PITPNC1: variants seen among roughly 807,000 people sequenced by gnomAD.
The protein encoded by PITPNC1 is phosphatidylinositol transfer protein cytoplasmic 1.
In PITPNC1, 18 loss-of-function variants were observed where a neutral mutation model predicts 44.7. The ratio of observed to expected loss-of-function variants is 0.40; its 90% CI spans 0.28 to 0.60. The LOEUF (loss-of-function observed/expected upper bound fraction) is 0.60, where lower values mean the gene tolerates loss of function less well. PITPNC1 is among the 20% of genes least tolerant of loss of function. PITPNC1 has a pLI of 0.39. For synonymous variants in PITPNC1, 141 were observed against 149.6 expected, an observed-to-expected ratio of 0.94 and a Z score of 0.42; for missense variants, 290 against 418.4, an observed-to-expected ratio of 0.69 and a Z score of 2.68.
chr17:67,580,791 A>G (rs572307227), intron 5 of PITPNC1, among the ~76,000 whole-genome samples: 2 of 152,308 alleles, frequency 1.3e-5, no homozygotes, highest in South Asian at 4.1e-4. Flanking sequence ...GCTCACACCT[A>G]TAATCCCAGC....
At chr17:67,494,560 TA>T (rs2039917271) in intron 1 of PITPNC1, among the ~76,000 whole-genome samples, 1 of 152,106 alleles carries the variant, frequency 6.6e-6, no homozygotes, top group South Asian at 2.1e-4. Flanking sequence ...ATCAATGAAC[TA>T]AATCCCCAGT....
chr17:67,481,161 C>T (rs2039696639), intron 1 of PITPNC1, among the ~76,000 whole-genome samples: 5 of 152,360 alleles, frequency 3.3e-5, no homozygotes, highest in African/African-American at 9.6e-5. Flanking sequence ...GCGCTGAGAT[C>T]GTGCCACTGC....
At chr17:67,678,755 C>A (rs1421741492) in intron 8 of PITPNC1, among the ~76,000 whole-genome samples, 1 of 152,210 alleles carries the variant, frequency 6.6e-6, no homozygotes, top group Non-Finnish European at 1.5e-5. Context: ...GGTACCCAGG[C>A]TAAGCGCCCA....
At position 67,609,022 on chromosome 17, in the gene PITPNC1, A is replaced by G. The variant is rs191606437; in HGVS notation, c.367-23121A>G. Among the ~76,000 whole-genome samples, 4 of 149,780 alleles carry G rather than the reference A, an allele frequency of 2.7e-5. No homozygotes were observed. The East Asian group carries it at 7.9e-4, about 30-fold the overall frequency. The stretch of plus-strand genomic sequence containing the variant: ...GGCTTCCCTGTGATTTTATTTATTT[A>G]TTTATTTATTTTTATTTTTTGTAGA... On this transcript the variant is annotated intron_variant, in intron 5 of 8. Coordinates refer to ENST00000581322, the MANE Select transcript of PITPNC1 (RefSeq NM_012417.4).
intron 5 of PITPNC1, among the ~76,000 whole-genome samples, chr17:67,620,936 G>C (rs2041821077): frequency 6.6e-6 from 1 of 152,200 alleles, no homozygotes; most frequent in Non-Finnish European, 1.5e-5. Context: ...GGCACCAGTA[G>C]GCAGTTCTCT....
chr17:67,378,070 C>A lies in PITPNC1; in HGVS notation c.-85C>A. 1 of 881,434 alleles carries A rather than the reference C, an allele frequency of 1.1e-6. No individual in the cohort carries two copies. Among genetic ancestry groups the A allele is most frequent in the Non-Finnish European group, 1.6e-6 (1 of 620,574 alleles). 54.6% of individuals were successfully genotyped at this position (881,434 alleles called of 1,614,324 possible). ...GGCTCCGAGCGCCGGGCTCCGGGCGCCCTGCCCTGCGCCTGGGCAGCAGCC... is the reference window on the plus strand; with the variant it reads ...GGCTCCGAGCGCCGGGCTCCGGGCGACCTGCCCTGCGCCTGGGCAGCAGCC... On this transcript the variant is annotated 5_prime_UTR_variant, in exon 1 of 9. Transcript: ENST00000581322.
At chr17:67,422,371 C>G (rs542196705) in intron 1 of PITPNC1, among the ~76,000 whole-genome samples, 1 of 152,278 alleles carries the variant, frequency 6.6e-6, no homozygotes, top group Non-Finnish European at 1.5e-5. Flanking sequence ...CATTTCAACT[C>G]TCTAAGCTTC....
Position 67,492,662 on chromosome 17 carries a change from T to G in PITPNC1, c.49-40140T>G, listed in dbSNP as rs183024846. ...AACCCTGGAAACTCCCCCTCAAGCC[T>G]AGTTTCTGTTTTCACACCGCCCCAG... On this transcript the variant is annotated intron_variant, in intron 1 of 8. Coordinates refer to ENST00000581322, the MANE Select transcript of PITPNC1 (RefSeq NM_012417.4). 7.9e-5 allele frequency among the ~76,000 whole-genome samples: 12 copies of G among 152,244 alleles called. No homozygotes were observed. In the East Asian group the frequency reaches 2.3e-3, roughly 29 times the overall value.
At chr17:67,417,347 C>T (rs1480275822) in intron 1 of PITPNC1, among the ~76,000 whole-genome samples, 2 of 151,964 alleles carry the variant, frequency 1.3e-5, no homozygotes, top group Non-Finnish European at 2.9e-5. Flanking sequence ...CCAGGCTGGT[C>T]TCGAACTCCT....
chr17:67,579,614 ATTTTTTTTTT>A (rs558310588), intron 5 of PITPNC1, among the ~76,000 whole-genome samples: 1,222 of 88,810 alleles, frequency 0.014, 14 homozygotes, highest in Non-Finnish European at 0.02. Flanking sequence ...TAAAATAGTG[ATTTTTTTTTT>A]TTTTTTTTTT....
chr17:67,490,319 C>T (rs560565000), intron 1 of PITPNC1, among the ~76,000 whole-genome samples: 5 of 151,950 alleles, frequency 3.3e-5, no homozygotes, highest in Admixed American at 2.6e-4. Context: ...TTTAACTTGG[C>T]AGGATCTCAG....
intron 6 of PITPNC1, among the ~76,000 whole-genome samples, chr17:67,643,294 G>C (rs2042110665): frequency 6.6e-6 from 1 of 152,214 alleles, no homozygotes; most frequent in South Asian, 2.1e-4. Flanking sequence ...GCTGAGGCAC[G>C]AGAATTGCTT....
At chr17:67,596,821 G>A (rs1022613291) in intron 5 of PITPNC1, among the ~76,000 whole-genome samples, 1 of 152,002 alleles carries the variant, frequency 6.6e-6, no homozygotes, top group African/African-American at 2.4e-5. Flanking sequence ...AATTCTTATG[G>A]TTTAAAGGCT....
chr17:67,557,022 A>G (rs2144180404), intron 4 of PITPNC1, among the ~76,000 whole-genome samples: 1 of 152,306 alleles, frequency 6.6e-6, no homozygotes, highest in Middle Eastern at 3.4e-3. Context: ...CTCCCCCTGC[A>G]GAGGCCTGTT....
chr17:67,573,013 A>G (rs886797934), intron 4 of PITPNC1, among the ~76,000 whole-genome samples: 1 of 152,206 alleles, frequency 6.6e-6, no homozygotes, highest in African/African-American at 2.4e-5. Flanking sequence ...GGCTCTGCCA[A>G]CACCTTGGTT....
chr17:67,538,580 A>G (rs929725999), intron 2 of PITPNC1, among the ~76,000 whole-genome samples: 1 of 152,240 alleles, frequency 6.6e-6, no homozygotes, highest in Admixed American at 6.5e-5. Flanking sequence ...AGCCTGGGCA[A>G]CAGAGCAAGA....
chr17:67,673,574 T>C (rs1244204331), intron 7 of PITPNC1, among the ~76,000 whole-genome samples: 2 of 152,130 alleles, frequency 1.3e-5, no homozygotes, highest in Non-Finnish European at 2.9e-5. Flanking sequence ...GTAAACGGCC[T>C]TTTTCCCCCT....
At chr17:67,576,171 C>T (rs1372803037) in intron 4 of PITPNC1, among the ~76,000 whole-genome samples, 5 of 152,066 alleles carry the variant, frequency 3.3e-5, no homozygotes, top group African/African-American at 1.2e-4. Context: ...GCCACCGTGC[C>T]TGGCCAAGTA....
At chr17:67,572,612 G>C (rs1433017746) in intron 4 of PITPNC1, among the ~76,000 whole-genome samples, 3 of 152,048 alleles carry the variant, frequency 2.0e-5, no homozygotes, top group Non-Finnish European at 4.4e-5. Context: ...AATGGTAATG[G>C]TGACAAAGGA....
Sources: gnomAD v4.1 joint callset for allele counts (sites outside exome capture counted in the v4.1 genomes callset) on GRCh38, gnomAD v4.1.1 for gene constraint, MANE v1.5 for transcripts, NCBI Gene and HGNC (gene_info 2026-07-23, HGNC 2026-07-21) for gene names.